GALNT13: variants seen among roughly 807,000 people sequenced by gnomAD.
GALNT13 encodes polypeptide N-acetylgalactosaminyltransferase 13, also known as UDP-GalNAc:polypeptide N-acetylgalactosaminyltransferase 13.
Under a neutral mutation model 64.2 loss-of-function variants are expected in GALNT13, and 28 were observed. That is an observed-to-expected ratio of 0.44 (90% confidence interval 0.32 to 0.60). GALNT13 has a LOEUF of 0.60. GALNT13 is among the 20% of genes least tolerant of loss of function. The pLI, the probability that GALNT13 is intolerant of heterozygous loss-of-function variation, is 0.05. For synonymous variants in GALNT13, 214 were observed against 224.6 expected (o/e 0.95, Z 0.42); for missense variants, 577 against 669.8 (o/e 0.86, Z 1.53).
intron 3 of GALNT13, among the ~76,000 whole-genome samples, chr2:154,002,954 C>A (rs938137213): frequency 6.6e-6 from 1 of 152,160 alleles, no homozygotes; most frequent in East Asian, 1.9e-4. Flanking sequence ...CTGAAGAAAA[C>A]TTAAGCACAC....
intron 11 of GALNT13, among the ~76,000 whole-genome samples, chr2:154,430,671 A>G (rs1219298020): frequency 6.6e-6 from 1 of 152,198 alleles, no homozygotes; most frequent in Non-Finnish European, 1.5e-5. Flanking sequence ...TTCTACCATG[A>G]GTAAAATGCT....
chr2:153,250,851 G>A, the GALNT13 span, among the ~76,000 whole-genome samples: 1 of 151,916 alleles, frequency 6.6e-6, no homozygotes, highest in Non-Finnish European at 1.5e-5. Context: ...ATAGGGAGGG[G>A]GACATTACAC....
At chr2:154,421,275 C>CT in intron 11 of GALNT13, among the ~76,000 whole-genome samples, 1 of 152,042 alleles carries the variant, frequency 6.6e-6, no homozygotes, top group South Asian at 2.1e-4. Flanking sequence ...TTGCTTAAAA[C>CT]TTACCAATTT....
chr2:153,544,542 G>C, the GALNT13 span, among the ~76,000 whole-genome samples: 1 of 152,256 alleles, frequency 6.6e-6, no homozygotes, highest in Non-Finnish European at 1.5e-5. Context: ...ACAAAGTGGA[G>C]AATCAATTTA....
At chr2:154,079,787 C>T (rs897028213) in intron 3 of GALNT13, among the ~76,000 whole-genome samples, 13 of 151,478 alleles carry the variant, frequency 8.6e-5, no homozygotes, top group Non-Finnish European at 1.8e-4. Context: ...AGTAATTTGC[C>T]AATGTAAGGC....
intron 11 of GALNT13, chr2:154,437,622 C>G (rs1272252201): frequency 1.0e-5 from 9 of 869,420 alleles, no homozygotes; most frequent in Non-Finnish European, 1.3e-5. Context: ...TTTGGGAGGC[C>G]GAGGCAGGTG....
the GALNT13 span, among the ~76,000 whole-genome samples, chr2:153,440,528 T>A: frequency 6.6e-6 from 1 of 152,188 alleles, no homozygotes; most frequent in East Asian, 1.9e-4. Flanking sequence ...ATCACCACAC[T>A]GTTTTCCACA....
At chr2:153,164,935 G>A in the GALNT13 span, among the ~76,000 whole-genome samples, 666 of 152,148 alleles carry the variant, frequency 4.4e-3, 5 homozygotes, top group Middle Eastern at 0.017. Context: ...TCATTTCTCC[G>A]TACCATGGCC....
chr2:153,840,027 G>A, the GALNT13 span, among the ~76,000 whole-genome samples: 1 of 151,928 alleles, frequency 6.6e-6, no homozygotes, highest in Non-Finnish European at 1.5e-5. Flanking sequence ...CTCCTAGTAG[G>A]GAACTATACT....
chr2:154,383,360 A>G (rs1698364138), intron 9 of GALNT13, among the ~76,000 whole-genome samples: 1 of 151,984 alleles, frequency 6.6e-6, no homozygotes. Context: ...TGCTGTATAA[A>G]TAGAAATCTT....
At chr2:153,535,330 A>G in the GALNT13 span, among the ~76,000 whole-genome samples, 3 of 152,224 alleles carry the variant, frequency 2.0e-5, no homozygotes, top group Non-Finnish European at 4.4e-5. Flanking sequence ...GATTCAGCAT[A>G]GTCCTGCCAG....
the GALNT13 span, among the ~76,000 whole-genome samples, chr2:153,188,844 A>C: frequency 6.6e-6 from 1 of 152,106 alleles, no homozygotes; most frequent in African/African-American, 2.4e-5. Flanking sequence ...TTCTTGGTAC[A>C]TAGTATTTGC....
intron 3 of GALNT13, among the ~76,000 whole-genome samples, chr2:154,131,060 C>T (rs1178811819): frequency 6.6e-6 from 1 of 152,134 alleles, no homozygotes; most frequent in Non-Finnish European, 1.5e-5. Context: ...AAGGCCATTA[C>T]TGGAGCCATT....
At chr2:153,452,310 G>C in the GALNT13 span, among the ~76,000 whole-genome samples, 1 of 152,026 alleles carries the variant, frequency 6.6e-6, no homozygotes, top group Admixed American at 6.6e-5. Flanking sequence ...AGAATATCCT[G>C]TCTGTACTAA....
chr2:154,068,349 A>G (rs949350007), intron 3 of GALNT13, among the ~76,000 whole-genome samples: 19 of 151,908 alleles, frequency 1.3e-4, no homozygotes, highest in Non-Finnish European at 1.6e-4. Flanking sequence ...TGATCCTGCA[A>G]TCCCACTTCT....
chr2:153,373,584 T>C, the GALNT13 span, among the ~76,000 whole-genome samples: 1 of 152,184 alleles, frequency 6.6e-6, no homozygotes, highest in South Asian at 2.1e-4. Flanking sequence ...TTTTTCAAAC[T>C]AAAAACATTT....
the GALNT13 span, among the ~76,000 whole-genome samples, chr2:153,391,530 T>A: frequency 1.3e-5 from 2 of 152,124 alleles, no homozygotes; most frequent in African/African-American, 4.8e-5. Context: ...GGTCTTTTGT[T>A]AAAAAATGGA....
chr2:154,400,250 TAAATAA>T (rs954028182), intron 10 of GALNT13, among the ~76,000 whole-genome samples: 3 of 152,180 alleles, frequency 2.0e-5, no homozygotes, highest in Non-Finnish European at 2.9e-5. Context: ...CACTTTCTCT[TAAATAA>T]TTAGAGTCCC....
At chr2:153,977,536 C>T (rs1413430272) in intron 3 of GALNT13, among the ~76,000 whole-genome samples, 3 of 152,132 alleles carry the variant, frequency 2.0e-5, no homozygotes, top group Non-Finnish European at 4.4e-5. Flanking sequence ...GGGGAAACCA[C>T]CACCATGATT....
Sources: allele counts gnomAD v4.1 joint callset (sites outside exome capture counted in the v4.1 genomes callset), GRCh38; gene constraint gnomAD v4.1.1; transcripts MANE v1.5; gene names NCBI Gene and HGNC (gene_info 2026-07-23, HGNC 2026-07-21).